Variants in MTTP observed in about 807,000 individuals in gnomAD.
MTTP encodes the protein microsomal triglyceride transfer protein large subunit.
Under a neutral mutation model 90.6 loss-of-function variants are expected in MTTP, and 49 were observed. The observed-to-expected ratio is 0.54, with a 90% CI of 0.43 to 0.69. The LOEUF is 0.69. Among genes scored for constraint, MTTP ranks in the 30% least tolerant of loss-of-function variants. The pLI is 0.00. For synonymous variants in MTTP, 347 were observed against 384.2 expected, an observed-to-expected ratio of 0.90 and a Z score of 1.13; for missense variants, 945 against 1,067.5, an observed-to-expected ratio of 0.89 and a Z score of 1.60.
intron 7 of MTTP, among the ~76,000 whole-genome samples, chr4:99,596,283 T>C (rs1725550333): frequency 6.6e-6 from 1 of 152,140 alleles, no homozygotes; most frequent in Admixed American, 6.5e-5. Flanking sequence ...TAGTCACTGA[T>C]AGGATTTCAT....
chr4:99,618,937 T>C, intron 15 of MTTP, 37 bp from the exon 16 acceptor site: 1 of 1,604,322 alleles, frequency 6.2e-7, no homozygotes, highest in Non-Finnish European at 8.5e-7. Context: ...ATTGTACTTA[T>C]TATTTTTATA....
chr4:99,588,700 CACATATATATATATGTTCATATATAT>C, intron 3 of MTTP, among the ~76,000 whole-genome samples: 2 of 109,970 alleles, frequency 1.8e-5, no homozygotes, highest in Non-Finnish European at 3.7e-5. Flanking sequence ...TATATATACA[CACATATATATATATGTTCATATATAT>C]ACACACATAT....
At chr4:99,614,668 A>T (rs1726055983) in intron 15 of MTTP, among the ~76,000 whole-genome samples, 1 of 152,198 alleles carries the variant, frequency 6.6e-6, no homozygotes. Context: ...CCTTGTGATT[A>T]TCAGATGGCT....
chr4:99,606,949 A>C lies in MTTP; in HGVS notation c.1546A>C (p.Ile516Leu). Residue 516 changes from isoleucine (I) to leucine (L), a missense_variant, in exon 11 of 18, where the codon ATA becomes CTA. Physicochemically the swap from Ile to Leu is conservative, Grantham distance 5. Coordinates refer to ENST00000265517, the MANE Select transcript of MTTP (RefSeq NM_001386140.1). ...TCTCCAGAGATATGATCTCCCTTTC[A>C]TAACTGATGAGGTAAAATCTCCAAG... The part of the protein sequence containing the change: ...TALQRYDLPF[I>L]TDEVKKTLNR... The C allele has an allele frequency of 6.2e-7, 1 of 1,613,308 alleles. No homozygotes were observed.
At chr4:99,590,104 C>CTT (rs11376480) in intron 4 of MTTP, among the ~76,000 whole-genome samples, 2 of 151,102 alleles carry the variant, frequency 1.3e-5, no homozygotes, top group African/African-American at 2.4e-5. Flanking sequence ...ACCCGAACGT[C>CTT]TTTTTTTTTG....
chr4:99,593,657 G>C (rs1260679357), intron 6 of MTTP, among the ~76,000 whole-genome samples: 1 of 152,052 alleles, frequency 6.6e-6, no homozygotes, highest in Non-Finnish European at 1.5e-5. Context: ...AATTTCTCTG[G>C]AGTAGCTGTA....
At chr4:99,566,139 C>T (rs1197378599) in intron 1 of MTTP, among the ~76,000 whole-genome samples, 9 of 150,962 alleles carry the variant, frequency 6.0e-5, no homozygotes, top group Admixed American at 5.9e-4. Context: ...AATACAAAAA[C>T]TTAGCCGGGC....
At chr4:99,592,166 G>A (rs1725442845) in intron 6 of MTTP, among the ~76,000 whole-genome samples, 2 of 152,182 alleles carry the variant, frequency 1.3e-5, no homozygotes, top group African/African-American at 2.4e-5. Flanking sequence ...AAGATACTAT[G>A]TAGGTGTACC....
chr4:99,613,038 C>T lies in MTTP; in HGVS notation c.2115C>T (p.Thr705=). 1 of 1,614,034 alleles carries T rather than the reference C, an allele frequency of 6.2e-7. No individual in the cohort carries two copies. The highest frequency in any genetic ancestry group is 8.5e-7 in the Non-Finnish European group (1 of 1,179,968). The change falls in exon 15 of 18, where the codon ACC becomes ACT. Residue 705 remains threonine, a synonymous_variant. Coordinates refer to ENST00000265517, the MANE Select transcript of MTTP (RefSeq NM_001386140.1). ...TTGATGTTCAGCTCAGACCTGTCAC[C>T]TTTTTCAACGGATACAGTGATTTGA... The part of the protein sequence containing the change: ...ILFDVQLRPV[T]FFNGYSDLMS...
At chr4:99,564,493 A>G (rs1724609169) in intron 1 of MTTP, 2 of 435,266 alleles carry the variant, frequency 4.6e-6, no homozygotes, top group Admixed American at 4.0e-5. Context: ...TGGCTGAAGT[A>G]AAACAGCCAT....
At chr4:99,608,689 A>T in intron 11 of MTTP, 77 bp from the exon 12 acceptor site, 4 of 1,125,928 alleles carry the variant, frequency 3.6e-6, no homozygotes, top group Non-Finnish European at 5.4e-6. Context: ...ATGAACACTC[A>T]CTATTCCTGC....
intron 10 of MTTP, among the ~76,000 whole-genome samples, chr4:99,604,869 A>G (rs890945244): frequency 6.6e-6 from 1 of 152,306 alleles, no homozygotes; most frequent in East Asian, 1.9e-4. Flanking sequence ...TGGAATTGCC[A>G]TACTGATATT....
intron 10 of MTTP, among the ~76,000 whole-genome samples, chr4:99,604,895 TA>T (rs751253261): frequency 2.8e-4 from 43 of 152,266 alleles, no homozygotes; most frequent in Non-Finnish European, 3.1e-4. Flanking sequence ...AGAAACAAAC[TA>T]AATAAAGTTC....
At chr4:99,590,581 T>G (rs1053260273) in intron 4 of MTTP, among the ~76,000 whole-genome samples, 1 of 151,832 alleles carries the variant, frequency 6.6e-6, no homozygotes, top group Admixed American at 6.6e-5. Context: ...AGCCCATGAG[T>G]GGGTGAAAAA....
Position 99,623,669 on chromosome 4 carries a change from TCAC to T in MTTP, c.*823_*825del, listed in dbSNP as rs1323615932. ...CTCTAAGGGACATCCTCATTTTATC[TCAC>T]CTTTTTGGGGGTGAGAGCTCTAGTT... On this transcript the variant is annotated 3_prime_UTR_variant, in exon 18 of 18. Coordinates refer to ENST00000265517, the MANE Select transcript of MTTP (RefSeq NM_001386140.1). The T allele has an allele frequency of 6.6e-6, 1 of 152,242 alleles. No individual in the cohort carries two copies. Among genetic ancestry groups the T allele is most frequent in the Non-Finnish European group, 1.5e-5 (1 of 68,062 alleles). 9.4% of individuals were successfully genotyped at this position (152,242 alleles called of 1,614,324 possible). A position where few individuals can be genotyped will look rare whatever the true frequency, so the allele number is the denominator to read the frequency against.
Position 99,611,318 on chromosome 4 carries a change from T to C in MTTP, c.1868-14T>C. 1 of 1,614,110 alleles carries C rather than the reference T, an allele frequency of 6.2e-7. No individual in the cohort carries two copies. The highest frequency in any genetic ancestry group is 1.1e-5 in the South Asian group (1 of 91,086). ...TGGAACTGCTATTAAATTACAGTTATTGTGTGTCATCAGGTAGTCCCCGTT... is the reference window on the plus strand; with the variant it reads ...TGGAACTGCTATTAAATTACAGTTACTGTGTGTCATCAGGTAGTCCCCGTT... On this transcript the variant is annotated splice_polypyrimidine_tract_variant and intron_variant, in intron 13 of 17. Transcript: ENST00000265517.
intron 1 of MTTP, among the ~76,000 whole-genome samples, chr4:99,579,622 A>G (rs1725049882): frequency 6.6e-6 from 1 of 152,166 alleles, no homozygotes; most frequent in African/African-American, 2.4e-5. Flanking sequence ...ATCATACTAT[A>G]TAACTTGCTT....
In MTTP at chr4:99,576,563, C is replaced by T. The variant is rs1249787765; in HGVS notation, c.61+1593C>T. 7.3e-5 allele frequency among the ~76,000 whole-genome samples: 11 copies of T among 150,158 alleles called. No homozygotes were observed. In the East Asian group the frequency reaches 1.4e-3, roughly 19 times the overall value. On this transcript the variant is annotated intron_variant, in intron 1 of 17. Transcript: ENST00000265517. ...ACAAAAAATTAGCCGGGCGTAGTGGCGGGCGCCTGTAGTCCCAGCTACTTG... is the reference window on the plus strand; with the variant it reads ...ACAAAAAATTAGCCGGGCGTAGTGGTGGGCGCCTGTAGTCCCAGCTACTTG...
chr4:99,592,340 C>T (rs1725447430), intron 6 of MTTP, among the ~76,000 whole-genome samples: 1 of 152,116 alleles, frequency 6.6e-6, no homozygotes, highest in Non-Finnish European at 1.5e-5. Flanking sequence ...TTCTAAAAAA[C>T]TTTTTTCCTC....
Sources: gnomAD v4.1 joint callset for allele counts (sites outside exome capture counted in the v4.1 genomes callset) on GRCh38, gnomAD v4.1.1 for gene constraint, MANE v1.5 for transcripts, NCBI Gene and HGNC (gene_info 2026-07-23, HGNC 2026-07-21) for gene names.